The following MAP1B variants were observed in gnomAD, a reference collection of about 807,000 sequenced individuals.
MAP1B encodes the protein microtubule associated protein 1B.
MAP1B carries 12 observed loss-of-function variants against 176.1 expected under a neutral mutation model. The ratio of observed to expected loss-of-function variants is 0.07; its 90% CI spans 0.04 to 0.11. MAP1B has a LOEUF of 0.11. MAP1B is among the 10% of genes least tolerant of loss of function. The pLI, the probability that MAP1B is intolerant of heterozygous loss-of-function variation, is 1.00. For missense variants in MAP1B, 2,523 were observed against 2,990.5 expected, an observed-to-expected ratio of 0.84 and a Z score of 3.65; for synonymous variants, 1,044 against 1,135.0, an observed-to-expected ratio of 0.92 and a Z score of 1.61.
chr5:72,163,261 T>C (rs911641090), intron 2 of MAP1B, among the ~76,000 whole-genome samples: 3 of 146,026 alleles, frequency 2.1e-5, no homozygotes, highest in Non-Finnish European at 4.5e-5. Context: ...AAGAAAAATA[T>C]AGAGAAACCT....
chr5:72,150,558 G>A (rs1476060805), intron 2 of MAP1B, among the ~76,000 whole-genome samples: 3 of 152,194 alleles, frequency 2.0e-5, no homozygotes, highest in African/African-American at 4.8e-5. Flanking sequence ...ATAGGTAAAT[G>A]TGTGTCATGG....
chr5:72,203,884 C>T (rs1747386760), intron 6 of MAP1B, 83 bp downstream of exon 6: 2 of 1,273,804 alleles, frequency 1.6e-6, no homozygotes, highest in South Asian at 2.5e-5. Flanking sequence ...AAAGAGGCAC[C>T]TCATGTGGCT....
Position 72,183,792 on chromosome 5 carries a change from G to T in MAP1B, c.336G>T (p.Leu112=). Reference sequence around the variant, plus strand: ...GTGACGTTTTAGAAACAGTGGTCCTGATCAACCCTTCTGATGAAGCAGTCA... The same window carrying T: ...GTGACGTTTTAGAAACAGTGGTCCTTATCAACCCTTCTGATGAAGCAGTCA... The part of the protein sequence containing the change: ...HRSDVLETVV[L]INPSDEAVST... Residue 112 remains leucine (L), a synonymous_variant, in exon 3 of 7, where the codon CTG becomes CTT. Transcript: ENST00000296755. The T allele has an allele frequency of 6.2e-7, 1 of 1,614,122 alleles. No homozygotes were observed. The highest frequency in any genetic ancestry group is 1.1e-5 in the South Asian group (1 of 91,052).
intron 2 of MAP1B, among the ~76,000 whole-genome samples, chr5:72,137,001 C>T (rs1442003276): frequency 6.6e-6 from 1 of 152,084 alleles, no homozygotes; most frequent in Non-Finnish European, 1.5e-5. Flanking sequence ...GGCCAAGTGC[C>T]CTTCACTGCT....
chr5:72,177,009 G>A (rs74814185), intron 2 of MAP1B, among the ~76,000 whole-genome samples: 2,302 of 152,266 alleles, frequency 0.015, 59 homozygotes, highest in African/African-American at 0.052. Context: ...GTAACAGGTG[G>A]CCTTCTGTTT....
In MAP1B at chr5:72,173,660, C is replaced by T. The variant is rs549052667; in HGVS notation, c.287-10083C>T. Among the ~76,000 whole-genome samples, 4 of 152,262 alleles carry T rather than the reference C, an allele frequency of 2.6e-5. 1 individual carries two copies. The highest frequency in any genetic ancestry group is 9.6e-5 in the African/African-American group (4 of 41,558). On this transcript the variant is annotated intron_variant, in intron 2 of 6. Transcript: ENST00000296755. ...GGTTTCATCACAACAAAAATAATTC[C>T]CAGATCCATATCTCAAATGCTGGGA... is the stretch of plus-strand genomic sequence containing the variant.
At chr5:72,182,006 G>A (rs1383827982) in intron 2 of MAP1B, among the ~76,000 whole-genome samples, 1 of 145,764 alleles carries the variant, frequency 6.9e-6, no homozygotes, top group Admixed American at 6.9e-5. Flanking sequence ...TTACAGGCAT[G>A]AGCCACCGCA....
In MAP1B at chr5:72,207,000, A is replaced by G. The variant is rs1265762408; in HGVS notation, c.*1761A>G. 1 of 152,132 alleles carries G rather than the reference A, an allele frequency of 6.6e-6. No homozygotes were observed. The highest frequency in any genetic ancestry group is 1.5e-5 in the Non-Finnish European group (1 of 68,034). The allele number at this position is 152,132 out of a possible 1,614,324, so 9.4% of individuals were successfully genotyped here. On this transcript the variant is annotated 3_prime_UTR_variant, in exon 7 of 7. Coordinates refer to ENST00000296755, the MANE Select transcript of MAP1B (RefSeq NM_005909.5). ...CCAAGTTCAAAGAACCCTAGCACAA[A>G]TTTGCTTTGGGATTTTCTTTTCTGG...
chr5:72,146,066 AAG>A (rs999659640), intron 2 of MAP1B, among the ~76,000 whole-genome samples: 4 of 152,168 alleles, frequency 2.6e-5, no homozygotes, highest in African/African-American at 9.7e-5. Context: ...TCTTTTTTTA[AAG>A]AGAGTCTCTT....
chr5:72,110,463 C>T (rs1330652352), intron 1 of MAP1B, among the ~76,000 whole-genome samples: 1 of 152,196 alleles, frequency 6.6e-6, no homozygotes, highest in African/African-American at 2.4e-5. Context: ...GAAAATCCTG[C>T]TCCCATAGCT....
intron 2 of MAP1B, among the ~76,000 whole-genome samples, chr5:72,183,177 T>G (rs1401621248): frequency 6.6e-6 from 1 of 152,242 alleles, no homozygotes; most frequent in East Asian, 1.9e-4. Flanking sequence ...ACTTTTCATT[T>G]GCTTACGGTG....
rs545856060 is a variant in MAP1B, at chr5:72,130,146, T to A, written c.286+14347T>A. ...AAATAAATTAATTAAAAAGAAATTT[T>A]AAAAATCCCAACTTACAGTTTAAAA... On this transcript the variant is annotated intron_variant, in intron 2 of 6. Coordinates refer to ENST00000296755, the MANE Select transcript of MAP1B (RefSeq NM_005909.5). Among the ~76,000 whole-genome samples, 31 of 148,864 alleles carry A rather than the reference T, an allele frequency of 2.1e-4. No homozygotes were observed. The East Asian group carries it at 6.1e-3, about 29-fold the overall frequency.
intron 2 of MAP1B, among the ~76,000 whole-genome samples, chr5:72,152,886 T>G (rs1746167463): frequency 6.6e-6 from 1 of 152,108 alleles, no homozygotes; most frequent in African/African-American, 2.4e-5. Context: ...GCTGCTCTCA[T>G]GCTCGCTGGG....
rs1302754782 is a variant in MAP1B, at chr5:72,197,227, A to C, written c.3872A>C (p.Glu1291Ala). 4 of 1,614,126 alleles carry C rather than the reference A, an allele frequency of 2.5e-6. No individual in the cohort carries two copies. Reference sequence around the variant, plus strand: ...CCCAATGAGATTAAAGTCTCTGCAGAGGCAGAAGTAGCCCCGGTGTCTCCT... The same window carrying C: ...CCCAATGAGATTAAAGTCTCTGCAGCGGCAGAAGTAGCCCCGGTGTCTCCT... ...LTPNEIKVSA[E>A]AEVAPVSPEV... The change falls in exon 5 of 7, where the codon GAG becomes GCG. Residue 1291 changes from glutamate to alanine, a missense_variant. By Grantham distance (107) the Glu-to-Ala change is moderately radical. Around this residue, in one of 4 missense-constraint regions of MAP1B, gnomAD observed 1,925 missense variants for 2,126.0 expected, o/e 0.91. Coordinates refer to ENST00000296755, the MANE Select transcript of MAP1B (RefSeq NM_005909.5).
rs1747402168 is a variant in MAP1B, at chr5:72,204,558, A to G, written c.7252-526A>G. ...AATGAGAGGCACCCAGTGGCTCCCTACTGAATGCTAGATGGAATTTATACT... is the reference window on the plus strand; with the variant it reads ...AATGAGAGGCACCCAGTGGCTCCCTGCTGAATGCTAGATGGAATTTATACT... On this transcript the variant is annotated intron_variant, in intron 6 of 6. Transcript: ENST00000296755. The surrounding 1 kb of genome is among the most constrained non-coding windows in gnomAD (Gnocchi z 4.4). 6.6e-6 allele frequency among the ~76,000 whole-genome samples: 1 copy of G among 152,208 alleles called. No homozygotes were observed. The highest frequency in any genetic ancestry group is 2.4e-5 in the African/African-American group (1 of 41,444).
chr5:72,194,604 G>A lies in MAP1B; in HGVS notation c.1249G>A (p.Val417Ile). Residue 417 changes from valine to isoleucine, a missense_variant, in exon 5 of 7, where the codon GTA (valine) becomes ATA (isoleucine). By Grantham distance (29) the Val-to-Ile change is conservative. Transcript: ENST00000296755. The surrounding 1 kb of genome is among the most constrained non-coding windows in gnomAD (Gnocchi z 7.2). The stretch of plus-strand genomic sequence containing the variant: ...TGTCATTCTTTTCCAAAAAATGGGA[G>A]TAGGTAAACTTGAGATGTATGTGCT... ...DPVILFQKMG[V>I]GKLEMYVLNP... The A allele has an allele frequency of 1.2e-6, 2 of 1,614,116 alleles. No individual in the cohort carries two copies. Among genetic ancestry groups the A allele is most frequent in the Non-Finnish European group, 1.7e-6 (2 of 1,180,048 alleles).
At chr5:72,192,277 G>C (rs543533082) in intron 4 of MAP1B, among the ~76,000 whole-genome samples, 1 of 152,262 alleles carries the variant, frequency 6.6e-6, no homozygotes, top group South Asian at 2.1e-4. Context: ...GCTTTGGCCA[G>C]CAAATCATTT....
chr5:72,150,015 C>T (rs920586126), intron 2 of MAP1B, among the ~76,000 whole-genome samples: 2 of 152,328 alleles, frequency 1.3e-5, no homozygotes, highest in South Asian at 2.1e-4. Context: ...TGTGGGATCT[C>T]ATTTTCCAGA....
intron 2 of MAP1B, among the ~76,000 whole-genome samples, chr5:72,159,408 T>C (rs1289704554): frequency 1.4e-5 from 2 of 146,456 alleles, no homozygotes; most frequent in Non-Finnish European, 3.0e-5. Flanking sequence ...CAAAAATGTC[T>C]GGTGTCTGGA....
Sources: gnomAD v4.1 joint callset for allele counts (sites outside exome capture counted in the v4.1 genomes callset) on GRCh38, gnomAD v4.1.1 for gene constraint, gnomAD v4.1.1 regional missense constraint, Gnocchi (gnomAD v3.1) non-coding constraint, MANE v1.5 for transcripts, NCBI Gene and HGNC (gene_info 2026-07-23, HGNC 2026-07-21) for gene names.